Variants in OSMR observed in about 807,000 individuals in gnomAD.
The protein encoded by OSMR is oncostatin-M-specific receptor subunit beta.
OSMR carries 81 observed loss-of-function variants against 99.9 expected under a neutral mutation model. That is an observed-to-expected ratio of 0.81 (90% CI 0.68 to 0.97). The LOEUF (loss-of-function observed/expected upper bound fraction) is 0.97, where lower values mean the gene tolerates loss of function less well. OSMR is among the 50% of genes least tolerant of loss of function. OSMR has a pLI of 0.00. For synonymous variants in OSMR, 406 were observed against 410.4 expected (o/e 0.99, Z 0.13); for missense variants, 1,099 against 1,153.4 (o/e 0.95, Z 0.68).
chr5:38,850,646 A>T (rs530369966), intron 1 of OSMR, among the ~76,000 whole-genome samples: 3 of 152,356 alleles, frequency 2.0e-5, no homozygotes, highest in African/African-American at 7.2e-5. Flanking sequence ...TAAGACATAA[A>T]GAACACTTGG....
At chr5:38,898,243 G>A (rs756087179) in intron 7 of OSMR, among the ~76,000 whole-genome samples, 7 of 152,118 alleles carry the variant, frequency 4.6e-5, no homozygotes, top group Non-Finnish European at 7.4e-5. Context: ...ATCGTTCTCT[G>A]TAGCTCTAAT....
At chr5:38,863,876 G>T (rs7709749) in intron 1 of OSMR, among the ~76,000 whole-genome samples, 10,107 of 152,118 alleles carry the variant, frequency 0.066, 893 homozygotes, top group East Asian at 0.46. Context: ...GTATTTTTTA[G>T]ATCTTCTTGC....
chr5:38,938,284 G>T (rs1012340822), downstream of OSMR: 4 of 227,360 alleles, frequency 1.8e-5, no homozygotes, highest in South Asian at 1.8e-4. Flanking sequence ...TTAAGTCTGA[G>T]ATTTTTTTCA....
At chr5:38,851,249 TA>T (rs1740330268) in intron 1 of OSMR, among the ~76,000 whole-genome samples, 1 of 152,218 alleles carries the variant, frequency 6.6e-6, no homozygotes, top group South Asian at 2.1e-4. Flanking sequence ...CTGTATAACT[TA>T]AAGTGAGTTA....
In OSMR at chr5:38,933,484, A is replaced by G; in HGVS notation, c.*40A>G. 1 of 1,611,728 alleles carries G rather than the reference A, an allele frequency of 6.2e-7. No homozygotes were observed. The highest frequency in any genetic ancestry group is 1.1e-5 in the South Asian group (1 of 91,004). Reference sequence around the variant, plus strand: ...TCATACCTTATGCTACACAGACATTAAGAAGAGCAGAGCTGGCACCCTGTC... The same window carrying G: ...TCATACCTTATGCTACACAGACATTGAGAAGAGCAGAGCTGGCACCCTGTC... On this transcript the variant is annotated 3_prime_UTR_variant, in exon 18 of 18. Transcript: ENST00000274276.
intron 9 of OSMR, among the ~76,000 whole-genome samples, chr5:38,908,098 T>C (rs1389929336): frequency 6.6e-6 from 1 of 151,808 alleles, no homozygotes; most frequent in Non-Finnish European, 1.5e-5. Context: ...ACTCTGCCCC[T>C]ACCCCTGTGC....
intron 1 of OSMR, among the ~76,000 whole-genome samples, chr5:38,846,922 T>C (rs1739884202): frequency 6.6e-6 from 1 of 152,198 alleles, no homozygotes; most frequent in African/African-American, 2.4e-5. Flanking sequence ...CCTTTCTCGA[T>C]AGTTCTTCAT....
rs1047124617 is a variant in OSMR at position 38,931,897 on chromosome 5, C to G, written c.2227C>G (p.His743Asp). The G allele has an allele frequency of 2.5e-6, 4 of 1,613,400 alleles. No homozygotes were observed. The highest frequency in any genetic ancestry group is 2.5e-6 in the Non-Finnish European group (3 of 1,179,406). Residue 743 changes from histidine (H) to aspartate (D), a missense_variant, in exon 16 of 18, where the codon CAT becomes GAT. By Grantham distance (81) the His-to-Asp change is moderately conservative. Coordinates refer to ENST00000274276, the MANE Select transcript of OSMR (RefSeq NM_003999.3). ...TPDEHSSMLI[H>D]ILLPMVFCVL... ...TCCTCGTTCAGCCTCGATGCTGATT[C>G]ATATCCTACTGCCCATGGTTTTCTG...
chr5:38,930,664 A>G (rs982182770), intron 15 of OSMR, among the ~76,000 whole-genome samples: 2 of 152,236 alleles, frequency 1.3e-5, no homozygotes, highest in African/African-American at 4.8e-5. Context: ...TGTCAGTCTA[A>G]TAACAGAGAG....
Position 38,918,891 on chromosome 5 carries a change from G to T in OSMR, c.1414G>T (p.Val472Leu), listed in dbSNP as rs778941314. The T allele has an allele frequency of 4.1e-5, 66 of 1,613,740 alleles. No individual in the cohort carries two copies. The highest frequency in any genetic ancestry group is 5.5e-5 in the Non-Finnish European group (65 of 1,179,760). The stretch of plus-strand genomic sequence containing the variant: ...AAAGATCCTGTTCTATAATGTAGTT[G>T]TAGAAAACCTAGACAAACCATCCAG... ...NGKILFYNVV[V>L]ENLDKPSSSE... Residue 472 changes from valine (V) to leucine (L), a missense_variant, in exon 11 of 18, where the codon GTA (valine) becomes TTA (leucine). Physicochemically the swap from Val to Leu is conservative, Grantham distance 32. Coordinates refer to ENST00000274276, the MANE Select transcript of OSMR (RefSeq NM_003999.3).
intron 1 of OSMR, among the ~76,000 whole-genome samples, chr5:38,868,672 C>T (rs1742135070): frequency 6.6e-6 from 1 of 152,182 alleles, no homozygotes; most frequent in South Asian, 2.1e-4. Context: ...TTTTTCTTCC[C>T]AGTCTCAGAT....
chr5:38,886,812 A>G (rs1479794793), intron 7 of OSMR, among the ~76,000 whole-genome samples: 2 of 152,222 alleles, frequency 1.3e-5, no homozygotes, highest in Admixed American at 1.3e-4. Context: ...ACATTTTTAT[A>G]CATGTGTCTA....
At chr5:38,906,337 ACC>A (rs1039275946) in intron 9 of OSMR, among the ~76,000 whole-genome samples, 1 of 152,128 alleles carries the variant, frequency 6.6e-6, no homozygotes, top group Non-Finnish European at 1.5e-5. Context: ...CTGAAGGTGA[ACC>A]TATAGGAATT....
At chr5:38,909,626 C>T (rs10076705) in intron 9 of OSMR, among the ~76,000 whole-genome samples, 58,089 of 152,000 alleles carry the variant, frequency 0.38, 11,525 homozygotes, top group African/African-American at 0.45. Context: ...TCTAGCCAAA[C>T]TAAGCTTCAT....
At chr5:38,893,193 G>A (rs773124315) in intron 7 of OSMR, among the ~76,000 whole-genome samples, 1 of 152,172 alleles carries the variant, frequency 6.6e-6, no homozygotes, top group Non-Finnish European at 1.5e-5. Flanking sequence ...AATGAAACCT[G>A]CTGACAGAAG....
At chr5:38,896,364 C>T (rs1285781667) in intron 7 of OSMR, among the ~76,000 whole-genome samples, 2 of 151,928 alleles carry the variant, frequency 1.3e-5, no homozygotes, top group African/African-American at 2.4e-5. Flanking sequence ...TACTTCACTG[C>T]TTTGGTTAAG....
At chr5:38,883,207 C>T (rs1022614087) in intron 4 of OSMR, among the ~76,000 whole-genome samples, 2 of 152,182 alleles carry the variant, frequency 1.3e-5, no homozygotes, top group Non-Finnish European at 2.9e-5. Flanking sequence ...CCCAGCTACT[C>T]AGGAGGCTGA....
intron 9 of OSMR, among the ~76,000 whole-genome samples, chr5:38,906,300 T>A (rs1488437973): frequency 6.6e-6 from 1 of 152,146 alleles, no homozygotes; most frequent in African/African-American, 2.4e-5. Context: ...TTGCTTTTGA[T>A]GATGACAAGA....
intron 1 of OSMR, among the ~76,000 whole-genome samples, chr5:38,852,843 G>A (rs1740517425): frequency 7.1e-6 from 1 of 140,450 alleles, no homozygotes; most frequent in South Asian, 2.4e-4. Context: ...CCATTCTCCT[G>A]CCTCAGCCTC....
Sources: gnomAD v4.1 joint callset for allele counts (sites outside exome capture counted in the v4.1 genomes callset) on GRCh38, gnomAD v4.1.1 for gene constraint, MANE v1.5 for transcripts, NCBI Gene and HGNC (gene_info 2026-07-23, HGNC 2026-07-21) for gene names.